Variants in DYM observed in about 807,000 individuals in gnomAD.
DYM encodes the protein dymeclin.
In DYM, 78 loss-of-function variants were observed where a neutral mutation model predicts 93.1. The ratio of observed to expected loss-of-function variants is 0.84; its 90% confidence interval spans 0.70 to 1.01. The LOEUF (loss-of-function observed/expected upper bound fraction) is 1.01. Among genes scored for constraint, DYM ranks in the 50% least tolerant of loss-of-function variants. The probability of loss-of-function intolerance (pLI) is 0.00; values close to 1 mark genes in which losing one functional copy is unlikely to be tolerated. For synonymous variants in DYM, 321 were observed against 319.7 expected, an observed-to-expected ratio of 1.00 and a Z score of -0.04; for missense variants, 789 against 845.0, an observed-to-expected ratio of 0.93 and a Z score of 0.82.
At chr18:49,359,549 A>G (rs576429015) in intron 6 of DYM, among the ~76,000 whole-genome samples, 1 of 152,324 alleles carries the variant, frequency 6.6e-6, no homozygotes, top group African/African-American at 2.4e-5. Flanking sequence ...CACTGATCCT[A>G]TTCTCTTTAT....
chr18:49,300,177 T>C (rs1022092413), intron 8 of DYM, among the ~76,000 whole-genome samples: 11 of 150,444 alleles, frequency 7.3e-5, no homozygotes, highest in Admixed American at 6.6e-4. Context: ...GCCTGAATTA[T>C]GTATGAGATT....
chr18:49,329,140 T>G (rs527554637), intron 8 of DYM, among the ~76,000 whole-genome samples: 9 of 152,128 alleles, frequency 5.9e-5, no homozygotes, highest in African/African-American at 2.2e-4. Context: ...TGCAGGGACA[T>G]GGATGAAGCT....
intron 13 of DYM, among the ~76,000 whole-genome samples, chr18:49,230,553 T>G (rs2093665268): frequency 6.6e-6 from 1 of 151,250 alleles, no homozygotes; most frequent in African/African-American, 2.4e-5. Context: ...TGAAATGAGA[T>G]AAGTTCCTGA....
At chr18:49,370,314 CT>C (rs2066910315) in intron 5 of DYM, among the ~76,000 whole-genome samples, 1 of 150,336 alleles carries the variant, frequency 6.7e-6, no homozygotes, top group Non-Finnish European at 1.5e-5. Flanking sequence ...ACAGGACTAA[CT>C]CCCTCTCTGG....
At chr18:49,377,752 G>C (rs143550793) in intron 5 of DYM, among the ~76,000 whole-genome samples, 1 of 152,150 alleles carries the variant, frequency 6.6e-6, no homozygotes, top group Non-Finnish European at 1.5e-5. Flanking sequence ...TAGCAACACA[G>C]TTGAAACCAC....
chr18:49,401,477 CT>C (rs2070815925), intron 2 of DYM, among the ~76,000 whole-genome samples: 1 of 152,156 alleles, frequency 6.6e-6, no homozygotes, highest in Non-Finnish European at 1.5e-5. Flanking sequence ...CATGTACACA[CT>C]GTGAAAGATC....
chr18:49,057,336 C>A (rs917932011), intron 17 of DYM, among the ~76,000 whole-genome samples: 29 of 152,254 alleles, frequency 1.9e-4, no homozygotes, highest in Admixed American at 1.4e-3. Flanking sequence ...CCTCTGCAGA[C>A]TGCTGCTCCT....
intron 16 of DYM, among the ~76,000 whole-genome samples, chr18:49,103,605 G>A (rs1361892757): frequency 3.3e-5 from 5 of 152,116 alleles, no homozygotes; most frequent in Non-Finnish European, 5.9e-5. Flanking sequence ...TGTAAGGAAG[G>A]GATCCAGTTT....
intron 1 of DYM, among the ~76,000 whole-genome samples, chr18:49,441,709 A>G (rs1327188039): frequency 6.6e-6 from 1 of 152,020 alleles, no homozygotes; most frequent in Non-Finnish European, 1.5e-5. Flanking sequence ...GGAAGCCCCA[A>G]AAGGAGTTCC....
At chr18:49,218,186 A>G (rs963006891) in intron 13 of DYM, among the ~76,000 whole-genome samples, 4 of 152,234 alleles carry the variant, frequency 2.6e-5, no homozygotes, top group African/African-American at 9.6e-5. Context: ...AAAGGGATCA[A>G]TTCAACAAGA....
At chr18:49,085,856 T>C (rs357881) in intron 17 of DYM, among the ~76,000 whole-genome samples, 1 of 152,118 alleles carries the variant, frequency 6.6e-6, no homozygotes, top group Non-Finnish European at 1.5e-5. Flanking sequence ...CCACCCGCCT[T>C]GGCCTCCCAA....
intron 17 of DYM, among the ~76,000 whole-genome samples, chr18:49,092,858 C>T (rs1012979652): frequency 2.0e-5 from 3 of 152,108 alleles, no homozygotes; most frequent in African/African-American, 7.2e-5. Flanking sequence ...TAGTCTTCCA[C>T]CAGAGAGCCT....
rs1321309390 is a variant in DYM, at chr18:49,043,513, C to G, written c.*542G>C. On this transcript the variant is annotated 3_prime_UTR_variant, in exon 18 of 18. Transcript: ENST00000675505. The stretch of plus-strand genomic sequence containing the variant: ...GCATGGTGTTTATGAAATTGTGTGC[C>G]CTCTGACAGGCAACCAAACACACAC... 6.5e-6 allele frequency: 1 copy of G among 154,046 alleles called. No individual in the cohort carries two copies. The highest frequency in any genetic ancestry group is 1.4e-5 in the Non-Finnish European group (1 of 69,362). The allele number at this position is 154,046 out of a possible 1,614,324, so 9.5% of individuals were successfully genotyped here. A position where few individuals can be genotyped will look rare whatever the true frequency, so the allele number is the denominator to read the frequency against.
intron 15 of DYM, among the ~76,000 whole-genome samples, chr18:49,163,428 C>T (rs567258226): frequency 7.0e-4 from 106 of 152,278 alleles, no homozygotes; most frequent in African/African-American, 2.5e-3. Context: ...TCACTGCAAC[C>T]TCTGCCTCCC....
intron 6 of DYM, among the ~76,000 whole-genome samples, chr18:49,347,693 C>T (rs144524546): frequency 2.6e-5 from 4 of 152,256 alleles, no homozygotes; most frequent in East Asian, 3.9e-4. Flanking sequence ...AGCAATGTTA[C>T]ATTTCTGTGA....
At chr18:49,192,818 T>C (rs62102348) in intron 14 of DYM, among the ~76,000 whole-genome samples, 3,996 of 152,242 alleles carry the variant, frequency 0.026, 165 homozygotes, top group African/African-American at 0.091. Context: ...AGAAATGGCA[T>C]TGGAATTTTT....
At chr18:49,293,004 G>A (rs2060264980) in intron 8 of DYM, among the ~76,000 whole-genome samples, 1 of 151,968 alleles carries the variant, frequency 6.6e-6, no homozygotes, top group Admixed American at 6.6e-5. Flanking sequence ...AGGCCCTAAT[G>A]TGTGATGTTC....
At chr18:49,401,856 T>C (rs1406753998) in intron 2 of DYM, among the ~76,000 whole-genome samples, 1 of 151,728 alleles carries the variant, frequency 6.6e-6, no homozygotes, top group Non-Finnish European at 1.5e-5. Context: ...CAAAACCCCA[T>C]CTCTACTAAA....
chr18:49,281,338 C>A (rs1599095532), intron 10 of DYM, among the ~76,000 whole-genome samples: 1 of 152,278 alleles, frequency 6.6e-6, no homozygotes, highest in East Asian at 1.9e-4. Flanking sequence ...AATAGGAACA[C>A]TTTTACACTG....
Sources: allele counts gnomAD v4.1 joint callset (sites outside exome capture counted in the v4.1 genomes callset), GRCh38; gene constraint gnomAD v4.1.1; transcripts MANE v1.5; gene names NCBI Gene and HGNC (gene_info 2026-07-23, HGNC 2026-07-21).